The following FMNL3 variants were observed in gnomAD, a reference collection of about 807,000 sequenced individuals.
FMNL3 encodes formin like 3.
Under a neutral mutation model 119.6 loss-of-function variants are expected in FMNL3, and 57 were observed. That is an observed-to-expected ratio of 0.48 (90% confidence interval 0.39 to 0.59). The LOEUF is 0.59. Among genes scored for constraint, FMNL3 ranks in the 20% least tolerant of loss-of-function variants. The pLI, the probability that FMNL3 is intolerant of heterozygous loss-of-function variation, is 0.00. For synonymous variants in FMNL3, 491 were observed against 507.3 expected, an observed-to-expected ratio of 0.97 and a Z score of 0.43; for missense variants, 1,053 against 1,323.5, an observed-to-expected ratio of 0.80 and a Z score of 3.17.
Position 49,645,775 on chromosome 12 carries a change from G to T in FMNL3, c.*40C>A. 6.4e-7 allele frequency: 1 copy of T among 1,551,412 alleles called. No individual in the cohort carries two copies. On this transcript the variant is annotated 3_prime_UTR_variant, in exon 26 of 26. Coordinates refer to ENST00000335154, the MANE Select transcript of FMNL3 (RefSeq NM_175736.5). The stretch of plus-strand genomic sequence containing the variant: ...TCCAGGTCCACTGGTTGGACTTGTA[G>T]GACTCTGAGGGGTGAAGTGCTTCTG...
intron 1 of FMNL3, among the ~76,000 whole-genome samples, chr12:49,679,846 C>T (rs1944291383): frequency 6.6e-6 from 1 of 152,152 alleles, no homozygotes; most frequent in Admixed American, 6.5e-5. Context: ...ATGTACCATG[C>T]ACTGCGCCAA....
chr12:49,654,444 G>T, intron 10 of FMNL3, 142 bp from the exon 11 acceptor site: 1 of 604,258 alleles, frequency 1.7e-6, no homozygotes, highest in Non-Finnish European at 2.9e-6. Flanking sequence ...CTTTATGGGG[G>T]CAATAAGAGT....
rs1943243076 is a variant in FMNL3, at chr12:49,647,483, C to G, written c.2779-115G>C. The G allele has an allele frequency of 8.2e-7, 1 of 1,214,770 alleles. No individual in the cohort carries two copies. Among genetic ancestry groups the G allele is most frequent in the South Asian group, 1.2e-5 (1 of 80,870 alleles). The allele number at this position is 1,214,770 out of a possible 1,614,324, so 75.2% of individuals were successfully genotyped here. On this transcript the variant is annotated intron_variant, in intron 23 of 25. Coordinates refer to ENST00000335154, the MANE Select transcript of FMNL3 (RefSeq NM_175736.5). The surrounding 1 kb of genome is among the most constrained non-coding windows in gnomAD (Gnocchi z 4.9). ...GGGACCCGCTAACTCCAGGTGGCCA[C>G]CCTCTGGAGGGGCACTTCCTGCCCC...
rs1441967791 is a variant in FMNL3, at chr12:49,640,257, G to C, written c.*5558C>G. ...ATGCTCATGAGAAATATATTCTCTT[G>C]AGATCTGTTGAATTTTAAGTGTCTG... is the stretch of plus-strand genomic sequence containing the variant. On this transcript the variant is annotated 3_prime_UTR_variant, in exon 26 of 26. Coordinates refer to ENST00000335154, the MANE Select transcript of FMNL3 (RefSeq NM_175736.5). The C allele has an allele frequency of 6.6e-6, 1 of 152,232 alleles. No individual in the cohort carries two copies. Among genetic ancestry groups the C allele is most frequent in the Non-Finnish European group, 1.5e-5 (1 of 68,056 alleles). The allele number at this position is 152,232 out of a possible 1,614,324, so 9.4% of individuals were successfully genotyped here.
intron 25 of FMNL3, chr12:49,646,553 T>G: frequency 9.3e-7 from 1 of 1,070,992 alleles, no homozygotes; most frequent in Non-Finnish European, 1.3e-6. Flanking sequence ...TGATTGCAAG[T>G]CATGCAGGAA....
intron 1 of FMNL3, among the ~76,000 whole-genome samples, chr12:49,682,991 T>C (rs1169704883): frequency 6.6e-6 from 1 of 152,214 alleles, no homozygotes; most frequent in African/African-American, 2.4e-5. Context: ...TTATCTCTAG[T>C]GTTCCCGCCT....
In FMNL3 at chr12:49,645,681, C is replaced by G. The variant is rs1943151553; in HGVS notation, c.*134G>C. 1 of 706,222 alleles carries G rather than the reference C, an allele frequency of 1.4e-6. No homozygotes were observed. The highest frequency in any genetic ancestry group is 1.9e-5 in the African/African-American group (1 of 53,600). The allele number at this position is 706,222 out of a possible 1,614,324, so 43.7% of individuals were successfully genotyped here. A position where few individuals can be genotyped will look rare whatever the true frequency, so the allele number is the denominator to read the frequency against. Reference sequence around the variant, plus strand: ...CCCATAGTGGCACAAGTAGAAAGATCCAGCCTCAAGAGCTGGGGCGGACAT... The same window carrying G: ...CCCATAGTGGCACAAGTAGAAAGATGCAGCCTCAAGAGCTGGGGCGGACAT... On this transcript the variant is annotated 3_prime_UTR_variant, in exon 26 of 26. Transcript: ENST00000335154.
chr12:49,700,164 A>G (rs11169113), intron 1 of FMNL3, among the ~76,000 whole-genome samples: 31,850 of 151,804 alleles, frequency 0.21, 5,495 homozygotes, highest in African/African-American at 0.48. Context: ...AGGCCGAGGC[A>G]GGTGGATCAC....
chr12:49,701,078 CAAAA>C (rs61171112), intron 1 of FMNL3, among the ~76,000 whole-genome samples: 2 of 75,980 alleles, frequency 2.6e-5, no homozygotes. Context: ...GACTCCATCT[CAAAA>C]AAAAAAAAAA....
rs1943481754 is a variant in FMNL3, at chr12:49,653,805, C to T, written c.1141G>A (p.Val381Ile). The part of the protein sequence containing the change: ...IQAYLDNVFD[V>I]GGLLEDAETK... ...TCAGCATCCTCCAACAAACCCCCGA[C>T]ATCAAACACGTTGTCCAGATATGCC... Residue 381 changes from valine to isoleucine, a missense_variant, in exon 12 of 26, where the codon GTC (valine) becomes ATC (isoleucine). Val to Ile is a conservative substitution (Grantham distance 29, BLOSUM62 3). Coordinates refer to ENST00000335154, the MANE Select transcript of FMNL3 (RefSeq NM_175736.5). 3 of 1,614,144 alleles carry T rather than the reference C, an allele frequency of 1.9e-6. No individual in the cohort carries two copies. Among genetic ancestry groups the T allele is most frequent in the Non-Finnish European group, 1.7e-6 (2 of 1,180,062 alleles).
intron 8 of FMNL3, 130 bp downstream of exon 8, chr12:49,656,693 C>T (rs1565873197): frequency 2.0e-6 from 2 of 985,230 alleles, no homozygotes; most frequent in Non-Finnish European, 3.1e-6. Context: ...TCTCTTCCAG[C>T]AGAGGAGGGG....
intron 1 of FMNL3, among the ~76,000 whole-genome samples, chr12:49,700,114 C>T (rs1384777880): frequency 6.6e-6 from 1 of 152,200 alleles, no homozygotes; most frequent in Non-Finnish European, 1.5e-5. Context: ...AGATTTTAGG[C>T]TGGGCGTGGT....
chr12:49,693,773 T>C (rs989194198), intron 1 of FMNL3, among the ~76,000 whole-genome samples: 1 of 148,292 alleles, frequency 6.7e-6, no homozygotes, highest in Non-Finnish European at 1.5e-5. Context: ...ATCGGCCTCC[T>C]GACTAGCTGG....
At position 49,651,361 on chromosome 12, in the gene FMNL3, C is replaced by G. The variant is rs550986762; in HGVS notation, c.1672+21G>C. ...CACCCCTGGTCCCACCAGCCCTGCC[C>G]AGAGCCCTGGGGATACTCACCTGAC... On this transcript the variant is annotated intron_variant, in intron 15 of 25. Coordinates refer to ENST00000335154, the MANE Select transcript of FMNL3 (RefSeq NM_175736.5). The G allele has an allele frequency of 6.1e-4, 967 of 1,584,352 alleles. 14 individuals are homozygous for G. In the South Asian group the frequency reaches 0.01, roughly 17 times the overall value.
At position 49,642,422 on chromosome 12, in the gene FMNL3, G is replaced by T. The variant is rs999053003; in HGVS notation, c.*3393C>A. The T allele has an allele frequency of 5.6e-6, 9 of 1,603,102 alleles. No homozygotes were observed. In the African/African-American group the frequency reaches 1.2e-4, roughly 21 times the overall value. ...GCACCCCTCAAGCCTGAGGGCAGCG[G>T]TGCTTCACCACTGAGGGCCCACCCC... On this transcript the variant is annotated 3_prime_UTR_variant, in exon 26 of 26. Transcript: ENST00000335154. The surrounding 1 kb of genome is among the most constrained non-coding windows in gnomAD (Gnocchi z 5.8).
Position 49,648,363 on chromosome 12 carries a change from A to C in FMNL3, c.2516-10T>G. ...ACGTTCTCCAGGGACACTGGTCACC[A>C]AAAGCCTGGCTGAGGAATGCCTAGG... On this transcript the variant is annotated splice_polypyrimidine_tract_variant and intron_variant, in intron 21 of 25. Transcript: ENST00000335154. 3 of 1,606,736 alleles carry C rather than the reference A, an allele frequency of 1.9e-6. No homozygotes were observed. The highest frequency in any genetic ancestry group is 2.6e-6 in the Non-Finnish European group (3 of 1,175,288).
chr12:49,651,522 T>A, intron 14 of FMNL3, 72 bp from the exon 15 acceptor site: 1 of 1,189,504 alleles, frequency 8.4e-7, no homozygotes, highest in African/African-American at 1.6e-5. Context: ...CCCCTCTGCC[T>A]GTCCCACCTT....
chr12:49,679,905 G>T (rs1944292936), intron 1 of FMNL3, among the ~76,000 whole-genome samples: 2 of 152,198 alleles, frequency 1.3e-5, no homozygotes, highest in Admixed American at 6.5e-5. Flanking sequence ...TACAAACAAG[G>T]GGGAACCTGA....
Position 49,653,338 on chromosome 12 carries a change from G to C in FMNL3, c.1222-11C>G. Reference sequence around the variant, plus strand: ...AAGCTTCTCTGTGAGCTGCACAACAGGAAGGGCAGGTTCTGTGCTGGCCCT... The same window carrying C: ...AAGCTTCTCTGTGAGCTGCACAACACGAAGGGCAGGTTCTGTGCTGGCCCT... On this transcript the variant is annotated splice_polypyrimidine_tract_variant and intron_variant, in intron 12 of 25. Transcript: ENST00000335154. 10 of 1,613,502 alleles carry C rather than the reference G, an allele frequency of 6.2e-6. No homozygotes were observed. Among genetic ancestry groups the C allele is most frequent in the Non-Finnish European group, 8.5e-6 (10 of 1,179,814 alleles).
Sources: allele counts gnomAD v4.1 joint callset (sites outside exome capture counted in the v4.1 genomes callset), GRCh38; gene constraint gnomAD v4.1.1; non-coding constraint Gnocchi (gnomAD v3.1); transcripts MANE v1.5; gene names NCBI Gene and HGNC (gene_info 2026-07-23, HGNC 2026-07-21).